Variants in SLC43A2 observed in about 807,000 individuals in gnomAD.
SLC43A2 encodes the protein large neutral amino acids transporter small subunit 4.
Under a neutral mutation model 63.2 loss-of-function variants are expected in SLC43A2, and 38 were observed. The observed-to-expected ratio is 0.60, with a 90% CI of 0.46 to 0.79. SLC43A2 has a LOEUF of 0.79. SLC43A2 is among the 30% of genes least tolerant of loss of function. The pLI, the probability that SLC43A2 is intolerant of heterozygous loss-of-function variation, is 0.00. For synonymous variants in SLC43A2, 322 were observed against 331.0 expected, an observed-to-expected ratio of 0.97 and a Z score of 0.30; for missense variants, 644 against 756.2, an observed-to-expected ratio of 0.85 and a Z score of 1.74.
intron 5 of SLC43A2, among the ~76,000 whole-genome samples, chr17:1,611,197 G>A (rs961964341): frequency 3.3e-5 from 5 of 151,978 alleles, no homozygotes; most frequent in Non-Finnish European, 7.4e-5. Flanking sequence ...AACACCTCTC[G>A]GCATTTCGGG....
At chr17:1,618,425 T>TTCC (rs1907870755) in intron 2 of SLC43A2, among the ~76,000 whole-genome samples, 1 of 152,330 alleles carries the variant, frequency 6.6e-6, no homozygotes, top group African/African-American at 2.4e-5. Flanking sequence ...AATGAATAGC[T>TTCC]ACAAGTTGCT....
chr17:1,569,758 A>G lies in SLC43A2; in HGVS notation c.*5846T>C, dbSNP rs952119036. On this transcript the variant is annotated 3_prime_UTR_variant, in exon 14 of 14. Transcript: ENST00000301335. ...CAGTGATTGATTATCTCGAGCAGCT[A>G]TTTGGCCAAGTCTTACCAAAACGTG... 1 of 152,132 alleles carries G rather than the reference A, an allele frequency of 6.6e-6. No individual in the cohort carries two copies. Among genetic ancestry groups the G allele is most frequent in the Non-Finnish European group, 1.5e-5 (1 of 68,032 alleles). The allele number at this position is 152,132 out of a possible 1,614,324, so 9.4% of individuals were successfully genotyped here. A position where few individuals can be genotyped will look rare whatever the true frequency, so the allele number is the denominator to read the frequency against.
chr17:1,597,338 G>C (rs1380158466), intron 5 of SLC43A2, among the ~76,000 whole-genome samples: 1 of 147,644 alleles, frequency 6.8e-6, no homozygotes, highest in African/African-American at 2.5e-5. Context: ...CCCCGTCCCT[G>C]CTAAAAAAAT....
chr17:1,604,186 ATGTG>A (rs58359198), intron 5 of SLC43A2, among the ~76,000 whole-genome samples: 138,316 of 152,036 alleles, frequency 0.91, 63,570 homozygotes, highest in Non-Finnish European at 0.97. Context: ...GATTACAGGC[ATGTG>A]CCACTACGCC....
chr17:1,575,014 G>A lies in SLC43A2; in HGVS notation c.*590C>T. 1 of 158,952 alleles carries A rather than the reference G, an allele frequency of 6.3e-6. No individual in the cohort carries two copies. The highest frequency in any genetic ancestry group is 1.6e-4 in the South Asian group (1 of 6,310). 9.8% of individuals were successfully genotyped at this position (158,952 alleles called of 1,614,324 possible). ...CCCTCTCCAGGGCATAAGCCAGGTG[G>A]GGCTTCTCCACCGGCCTCCAACGGG... On this transcript the variant is annotated 3_prime_UTR_variant, in exon 14 of 14. Coordinates refer to ENST00000301335, the MANE Select transcript of SLC43A2 (RefSeq NM_152346.3).
intron 5 of SLC43A2, among the ~76,000 whole-genome samples, chr17:1,611,807 G>A (rs1431263150): frequency 6.6e-6 from 1 of 152,100 alleles, no homozygotes; most frequent in Non-Finnish European, 1.5e-5. Context: ...TGATGCAGGC[G>A]AGGTTTCCTT....
intron 10 of SLC43A2, among the ~76,000 whole-genome samples, chr17:1,585,024 T>A (rs1303102349): frequency 2.6e-5 from 4 of 151,920 alleles, no homozygotes; most frequent in Admixed American, 2.6e-4. Flanking sequence ...AAAGGGTTGG[T>A]GGGCTGCATG....
At chr17:1,602,322 A>G (rs980791779) in intron 5 of SLC43A2, among the ~76,000 whole-genome samples, 8 of 152,056 alleles carry the variant, frequency 5.3e-5, no homozygotes, top group African/African-American at 1.9e-4. Context: ...TTGTATATTG[A>G]TTTTGTGAAG....
intron 5 of SLC43A2, among the ~76,000 whole-genome samples, chr17:1,600,152 A>ATATATATATATATATTTTTTTTT (rs1216616243): frequency 1.7e-5 from 1 of 60,280 alleles, no homozygotes; most frequent in African/African-American, 5.4e-5. Flanking sequence ...ATATATATAT[A>ATATATATATATATATTTTTTTTT]TTTTTTTTTT....
chr17:1,593,149 C>CCT lies in SLC43A2; in HGVS notation c.594+36_594+37dup. 3 of 1,582,548 alleles carry CCT rather than the reference C, an allele frequency of 1.9e-6. No individual in the cohort carries two copies. The highest frequency in any genetic ancestry group is 2.6e-6 in the Non-Finnish European group (3 of 1,155,748). ...GAGGGTGGAAGGAGCCTGGAGCAGG[C>CCT]CTCTGCACAGACACCAGTGCAAAAT... On this transcript the variant is annotated intron_variant, in intron 6 of 13. Coordinates refer to ENST00000301335, the MANE Select transcript of SLC43A2 (RefSeq NM_152346.3). The surrounding 1 kb of genome is among the most constrained non-coding windows in gnomAD (Gnocchi z 5.3).
At chr17:1,586,641 C>T (rs1188806502) in intron 9 of SLC43A2, among the ~76,000 whole-genome samples, 1 of 151,940 alleles carries the variant, frequency 6.6e-6, no homozygotes, top group East Asian at 1.9e-4. Context: ...TGCAGTGAGC[C>T]AAGATCATGC....
chr17:1,600,153 T>TATATATATA (rs1491178977), intron 5 of SLC43A2, among the ~76,000 whole-genome samples: 15 of 38,256 alleles, frequency 3.9e-4, no homozygotes, highest in Middle Eastern at 0.024. Context: ...TATATATATA[T>TATATATATA]TTTTTTTTTT....
At chr17:1,600,580 G>C (rs1905894603) in intron 5 of SLC43A2, among the ~76,000 whole-genome samples, 2 of 113,202 alleles carry the variant, frequency 1.8e-5, no homozygotes, top group Admixed American at 2.5e-4. Context: ...TGGAGACATG[G>C]TCTCGCTCTG....
chr17:1,576,193 C>T (rs942252505), intron 13 of SLC43A2, among the ~76,000 whole-genome samples: 10 of 150,414 alleles, frequency 6.6e-5, no homozygotes, highest in African/African-American at 9.8e-5. Flanking sequence ...AAGTGATTCT[C>T]CTGTCTCAGC....
intron 3 of SLC43A2, among the ~76,000 whole-genome samples, chr17:1,615,574 T>C (rs1436661818): frequency 1.4e-5 from 2 of 147,242 alleles, no homozygotes; most frequent in Non-Finnish European, 3.0e-5. Context: ...CCAGGCACGA[T>C]GGCTCACGCC....
At chr17:1,616,119 T>C (rs1036203371) in intron 3 of SLC43A2, among the ~76,000 whole-genome samples, 2 of 151,670 alleles carry the variant, frequency 1.3e-5, no homozygotes, top group Non-Finnish European at 2.9e-5. Flanking sequence ...GGGGTACGTG[T>C]TGAAAATCTT....
At position 1,605,813 on chromosome 17, in the gene SLC43A2, G is replaced by T. The variant is rs1019774534; in HGVS notation, c.501+7382C>A. Among the ~76,000 whole-genome samples, 1 of 152,162 alleles carries T rather than the reference G, an allele frequency of 6.6e-6. No individual in the cohort carries two copies. The highest frequency in any genetic ancestry group is 1.5e-5 in the Non-Finnish European group (1 of 68,020). ...AACCGGGCACCTCCAAGCACATGCTGCCCGGGACAAGGTCCTTGTGGTCAC... is the reference window on the plus strand; with the variant it reads ...AACCGGGCACCTCCAAGCACATGCTTCCCGGGACAAGGTCCTTGTGGTCAC... On this transcript the variant is annotated intron_variant, in intron 5 of 13. Transcript: ENST00000301335. This position sits in a 1 kb window ranked among gnomAD's most constrained non-coding sequence, Gnocchi z 4.9.
chr17:1,603,787 A>AAAAAC (rs57134876), intron 5 of SLC43A2, among the ~76,000 whole-genome samples: 24,471 of 151,454 alleles, frequency 0.16, 2,391 homozygotes, highest in Non-Finnish European at 0.22. Context: ...CTCTGCCTCA[A>AAAAAC]AAAACAAAAC....
intron 4 of SLC43A2, among the ~76,000 whole-genome samples, chr17:1,613,945 A>T (rs1907354926): frequency 6.6e-6 from 1 of 152,084 alleles, no homozygotes; most frequent in Non-Finnish European, 1.5e-5. Context: ...AAAAAAAGTT[A>T]AAAATTAGCC....
Sources: gnomAD v4.1 joint callset for allele counts (sites outside exome capture counted in the v4.1 genomes callset) on GRCh38, gnomAD v4.1.1 for gene constraint, Gnocchi (gnomAD v3.1) non-coding constraint, MANE v1.5 for transcripts, NCBI Gene and HGNC (gene_info 2026-07-23, HGNC 2026-07-21) for gene names.